PPM1L: variants seen among roughly 807,000 people sequenced by gnomAD.
The protein encoded by PPM1L is protein phosphatase, Mg2+/Mn2+ dependent 1L, also known as protein phosphatase 1L.
A neutral mutation model predicts 31.4 loss-of-function variants in PPM1L; 13 were observed. The ratio of observed to expected loss-of-function variants is 0.41; its 90% CI spans 0.27 to 0.66. PPM1L has a LOEUF of 0.66. PPM1L is among the 30% of genes least tolerant of loss of function. PPM1L has a pLI of 0.29. For synonymous variants in PPM1L, 184 were observed against 175.4 expected (o/e 1.05, Z -0.39); for missense variants, 326 against 453.7 (o/e 0.72, Z 2.56).
intron 1 of PPM1L, among the ~76,000 whole-genome samples, chr3:160,779,460 A>G (rs1711672983): frequency 6.6e-6 from 1 of 152,074 alleles, no homozygotes; most frequent in Non-Finnish European, 1.5e-5. Flanking sequence ...GGGGCAGTGG[A>G]GTGCAGTGGT....
At chr3:161,030,426 A>G (rs1404508333) in intron 2 of PPM1L, among the ~76,000 whole-genome samples, 1 of 152,140 alleles carries the variant, frequency 6.6e-6, no homozygotes, top group Non-Finnish European at 1.5e-5. Flanking sequence ...GGCCCTCCCC[A>G]GATACTGAAT....
chr3:160,794,167 T>C (rs1712177838), intron 1 of PPM1L, among the ~76,000 whole-genome samples: 2 of 152,192 alleles, frequency 1.3e-5, no homozygotes. Context: ...TTGTTGTTGT[T>C]CTTATCTGTT....
At position 161,077,464 on chromosome 3, in the gene PPM1L, C is replaced by G. The variant is rs1720139846; in HGVS notation, c.*8307C>G. 2.0e-5 allele frequency: 3 copies of G among 152,208 alleles called. No homozygotes were observed. Among genetic ancestry groups the G allele is most frequent in the African/African-American group, 7.2e-5 (3 of 41,420 alleles). The allele number at this position is 152,208 out of a possible 1,614,324, so 9.4% of individuals were successfully genotyped here. ...CTGGTGAAAGCCAGGTTGTCCAGAT[C>G]TTTCTAGGGGAAGAGAAGGATTATA... On this transcript the variant is annotated 3_prime_UTR_variant, in exon 4 of 4. Transcript: ENST00000498165.
At chr3:161,032,257 C>T (rs1718590362) in intron 2 of PPM1L, among the ~76,000 whole-genome samples, 1 of 152,206 alleles carries the variant, frequency 6.6e-6, no homozygotes, top group African/African-American at 2.4e-5. Context: ...AGCGATCCTA[C>T]CCTCACCTTT....
At chr3:161,034,660 CAG>C (rs1479858884) in intron 2 of PPM1L, among the ~76,000 whole-genome samples, 4 of 148,516 alleles carry the variant, frequency 2.7e-5, no homozygotes, top group Non-Finnish European at 4.4e-5. Context: ...CATGGACACA[CAG>C]AGGGGACCAT....
chr3:160,926,833 G>A (rs1714609652), intron 1 of PPM1L, among the ~76,000 whole-genome samples: 1 of 152,146 alleles, frequency 6.6e-6, no homozygotes, highest in South Asian at 2.1e-4. Flanking sequence ...GAGCTCTCCT[G>A]ACTTGCTTGG....
intron 3 of PPM1L, among the ~76,000 whole-genome samples, chr3:161,067,213 C>T (rs1415637259): frequency 6.6e-6 from 1 of 152,162 alleles, no homozygotes; most frequent in Non-Finnish European, 1.5e-5. Context: ...TTTATGCTTC[C>T]TCTTCTTCCC....
At chr3:160,799,991 C>T (rs1231900065) in intron 1 of PPM1L, among the ~76,000 whole-genome samples, 3 of 152,112 alleles carry the variant, frequency 2.0e-5, no homozygotes, top group African/African-American at 7.2e-5. Context: ...GCCTAGGACA[C>T]TACTTGGTCT....
intron 1 of PPM1L, among the ~76,000 whole-genome samples, chr3:160,783,606 A>AC (rs1711812286): frequency 6.6e-6 from 1 of 151,388 alleles, no homozygotes; most frequent in Non-Finnish European, 1.5e-5. Context: ...ATCTCAAAAA[A>AC]AAAAAAAAGA....
In PPM1L at chr3:160,824,813, A is replaced by G. The variant is rs181983337; in HGVS notation, c.399+68106A>G. ...TGAGACTAATTTTTTTTAAAACTGT[A>G]TCTTCTAAGATTCATGCCTTATATA... On this transcript the variant is annotated intron_variant, in intron 1 of 3. Coordinates refer to ENST00000498165, the MANE Select transcript of PPM1L (RefSeq NM_139245.4). Among the ~76,000 whole-genome samples, 3 of 152,274 alleles carry G rather than the reference A, an allele frequency of 2.0e-5. No homozygotes were observed. In the East Asian group the frequency reaches 5.8e-4, roughly 29 times the overall value.
rs144664735 is a variant in PPM1L at position 160,877,703 on chromosome 3, C to G, written c.400-84033C>G. 3.7e-3 allele frequency among the ~76,000 whole-genome samples: 566 copies of G among 152,294 alleles called. 2 individuals are homozygous for G. Among genetic ancestry groups the G allele is most frequent in the African/African-American group, 0.013 (546 of 41,558 alleles). ...AGTGAAGTACACTGGATTTTACAGA[C>G]TGACCTGAGGAGGTGATGTCTGATG... On this transcript the variant is annotated intron_variant, in intron 1 of 3. Transcript: ENST00000498165.
intron 1 of PPM1L, among the ~76,000 whole-genome samples, chr3:160,821,345 T>C (rs1013785660): frequency 1.3e-5 from 2 of 152,114 alleles, no homozygotes; most frequent in African/African-American, 2.4e-5. Flanking sequence ...ATTGATTTAA[T>C]AGTCTATCCT....
intron 1 of PPM1L, among the ~76,000 whole-genome samples, chr3:160,797,894 G>A (rs1413457752): frequency 6.6e-6 from 1 of 152,162 alleles, no homozygotes; most frequent in Admixed American, 6.5e-5. Context: ...GAAAGTGCAA[G>A]GTGGGCCGGG....
chr3:160,798,346 A>G (rs1387865810), intron 1 of PPM1L, among the ~76,000 whole-genome samples: 4 of 152,218 alleles, frequency 2.6e-5, no homozygotes, highest in Admixed American at 6.5e-5. Flanking sequence ...GTAGGTAGAG[A>G]GAAGTAGTCA....
chr3:160,788,965 A>G (rs539912519), intron 1 of PPM1L, among the ~76,000 whole-genome samples: 2 of 152,042 alleles, frequency 1.3e-5, no homozygotes, highest in African/African-American at 4.8e-5. Context: ...CTATTTTAAT[A>G]TACTTTATTT....
In PPM1L at chr3:160,915,411, G is replaced by A. The variant is rs190748955; in HGVS notation, c.400-46325G>A. Among the ~76,000 whole-genome samples, 529 of 152,166 alleles carry A rather than the reference G, an allele frequency of 3.5e-3. 2 individuals carry two copies. The highest frequency in any genetic ancestry group is 0.012 in the African/African-American group (511 of 41,526). On this transcript the variant is annotated intron_variant, in intron 1 of 3. Transcript: ENST00000498165. The stretch of plus-strand genomic sequence containing the variant: ...CCACTGCTCAATGAGATAAAAGAGG[G>A]ATACAAACAAATGGAAGAACATTCC...
At chr3:160,923,927 A>G (rs1262870580) in intron 1 of PPM1L, among the ~76,000 whole-genome samples, 1 of 152,198 alleles carries the variant, frequency 6.6e-6, no homozygotes, top group Non-Finnish European at 1.5e-5. Flanking sequence ...AGCAGATGGA[A>G]TGAACAACTT....
chr3:160,992,390 G>A (rs1033470327), intron 2 of PPM1L, among the ~76,000 whole-genome samples: 4 of 152,138 alleles, frequency 2.6e-5, no homozygotes, highest in African/African-American at 7.2e-5. Flanking sequence ...AATGACAAGT[G>A]TAGCTTCCAC....
chr3:160,797,403 G>A (rs1212155374), intron 1 of PPM1L, among the ~76,000 whole-genome samples: 23 of 152,074 alleles, frequency 1.5e-4, no homozygotes, highest in Non-Finnish European at 1.5e-5. Context: ...CCTATTCCCT[G>A]AGACACAACA....
Sources: allele counts gnomAD v4.1 joint callset (sites outside exome capture counted in the v4.1 genomes callset), GRCh38; gene constraint gnomAD v4.1.1; transcripts MANE v1.5; gene names NCBI Gene and HGNC (gene_info 2026-07-23, HGNC 2026-07-21).